Variants in CALML6 observed in about 807,000 individuals in gnomAD.
CALML6 encodes calmodulin-like protein 6.
In CALML6, 27 loss-of-function variants were observed where a neutral mutation model predicts 25.0. The observed-to-expected ratio is 1.08, with a 90% CI of 0.80 to 1.49. The LOEUF (loss-of-function observed/expected upper bound fraction) is 1.49. Ranked by LOEUF, CALML6 falls within the 40% of genes most tolerant of loss-of-function variation. CALML6 has a pLI of 0.00. For synonymous variants in CALML6, 97 were observed against 87.2 expected, an observed-to-expected ratio of 1.11 and a Z score of -0.63; for missense variants, 239 against 232.7, an observed-to-expected ratio of 1.03 and a Z score of -0.18.
chr1:1,916,268 T>C lies in CALML6; in HGVS notation c.79-173T>C, dbSNP rs1029566311. On this transcript the variant is annotated intron_variant, in intron 2 of 5. Coordinates refer to ENST00000307786, the MANE Select transcript of CALML6 (RefSeq NM_138705.4). ...GAGCCCTGCTGGCCCTGCAAACCCC[T>C]GGCGTGTGACCCCTTGTCCTGGAAG... The C allele has an allele frequency of 1.5e-5, 9 of 589,892 alleles. No individual in the cohort carries two copies. The South Asian group carries it at 2.3e-4, about 15-fold the overall frequency. The allele number at this position is 589,892 out of a possible 1,614,324, so 36.5% of individuals were successfully genotyped here.
intron 4 of CALML6, 27 bp downstream of exon 4, chr1:1,916,923 T>TGG: frequency 2.8e-6 from 1 of 361,930 alleles, no homozygotes; most frequent in Non-Finnish European, 4.3e-6. Context: ...GGGCGGGTGG[T>TGG]GGGCGGGCAC....
rs1248190631 is a variant in CALML6, at chr1:1,917,025, G to A, written c.450G>A (p.Gln150=). The stretch of plus-strand genomic sequence containing the variant: ...CCCTCAACGAGGTGGAGGCGGAGCA[G>A]ATGATGAAGGAGGCCGACAAGGATG... ...GEPLNEVEAE[Q]MMKEADKDGD... is the part of the protein sequence containing the mutation. The change falls in exon 5 of 6, where the codon CAG becomes CAA. Residue 150 remains glutamine, a synonymous_variant. Transcript: ENST00000307786. 1.2e-6 allele frequency: 2 copies of A among 1,610,190 alleles called. No individual in the cohort carries two copies. Among genetic ancestry groups the A allele is most frequent in the Non-Finnish European group, 1.7e-6 (2 of 1,177,834 alleles).
intron 1 of CALML6, 33 bp from the exon 2 acceptor site, chr1:1,915,652 G>A: frequency 6.2e-7 from 1 of 1,611,410 alleles, no homozygotes; most frequent in South Asian, 1.1e-5. Flanking sequence ...CTAAAACTCA[G>A]CTGCCACCAC....
chr1:1,916,105 T>C, intron 2 of CALML6: 1 of 415,772 alleles, frequency 2.4e-6, no homozygotes, highest in South Asian at 3.5e-5. Context: ...TGCTCTCGGC[T>C]TCCTTCACCT....
chr1:1,915,753 G>A lies in CALML6; in HGVS notation c.78+18G>A, dbSNP rs754416895. On this transcript the variant is annotated intron_variant, in intron 2 of 5. Transcript: ENST00000307786. ...CCGACATGGTAAGGCTGCTCTCTGT[G>A]CCCGATGGAGTCTCTGGTGGGCTGG... is the stretch of plus-strand genomic sequence containing the variant. The A allele has an allele frequency of 1.2e-6, 2 of 1,612,790 alleles. No individual in the cohort carries two copies. Among genetic ancestry groups the A allele is most frequent in the African/African-American group, 2.7e-5 (2 of 75,042 alleles).
chr1:1,915,606 A>G (rs1651080899), intron 1 of CALML6, 79 bp from the exon 2 acceptor site: 7 of 1,497,414 alleles, frequency 4.7e-6, no homozygotes, highest in Non-Finnish European at 5.5e-6. Flanking sequence ...GGCTCTTGGA[A>G]TCTGGACCCC....
At chr1:1,916,701 C>T in intron 3 of CALML6, 51 bp from the exon 4 acceptor site, 2 of 1,612,564 alleles carry the variant, frequency 1.2e-6, no homozygotes, top group Non-Finnish European at 1.7e-6. Flanking sequence ...AGGCAAAGCC[C>T]ATGGGGAGTG....
rs533293378 is a variant in CALML6, at chr1:1,916,823, G to A, written c.325G>A (p.Glu109Lys). 33 of 1,613,316 alleles carry A rather than the reference G, an allele frequency of 2.0e-5. No individual in the cohort carries two copies. In the South Asian group the frequency reaches 2.2e-4, roughly 11 times the overall value. Reference protein sequence around the residue: ...GVYHEKAQNQESELRAAFRVF... With the variant: ...GVYHEKAQNQKSELRAAFRVF... Reference sequence around the variant, plus strand: ...TTACCATGAGAAGGCCCAGAACCAGGAGAGCGAGCTGAGGGCGGCATTCCG... The same window carrying A: ...TTACCATGAGAAGGCCCAGAACCAGAAGAGCGAGCTGAGGGCGGCATTCCG... The change falls in exon 4 of 6, where the codon GAG becomes AAG. Residue 109 changes from glutamate to lysine, a missense_variant. Glu to Lys is a moderately conservative substitution (Grantham distance 56). Around this residue, in one of 2 missense-constraint regions of CALML6, gnomAD observed 231 missense variants for 210.9 expected, o/e 1.10. Transcript: ENST00000307786.
At chr1:1,916,302 C>G (rs1651106882) in intron 2 of CALML6, 139 bp from the exon 3 acceptor site, 5 of 761,052 alleles carry the variant, frequency 6.6e-6, no homozygotes, top group Non-Finnish European at 1.0e-5. Context: ...AGCCTGCTCT[C>G]CGCTGGGGGC....
intron 1 of CALML6, 30 bp downstream of exon 1, chr1:1,915,337 C>G (rs1296282998): frequency 6.4e-7 from 1 of 1,551,058 alleles, no homozygotes; most frequent in Non-Finnish European, 8.7e-7. Context: ...GACCAGGGTC[C>G]CATGAAGACC....
rs1156879239 is a variant in CALML6 at position 1,915,811 on chromosome 1, A to G, written c.78+76A>G. Reference sequence around the variant, plus strand: ...GGTTGAGCTGGAACCTGGAGGTGCAATGACCTGCCACGGAGCCTGGGCAGG... The same window carrying G: ...GGTTGAGCTGGAACCTGGAGGTGCAGTGACCTGCCACGGAGCCTGGGCAGG... On this transcript the variant is annotated intron_variant, in intron 2 of 5. Coordinates refer to ENST00000307786, the MANE Select transcript of CALML6 (RefSeq NM_138705.4). 4.2e-6 allele frequency: 6 copies of G among 1,435,706 alleles called. No homozygotes were observed. The African/African-American group carries it at 7.0e-5, about 17-fold the overall frequency. The allele number at this position is 1,435,706 out of a possible 1,614,324, so 88.9% of individuals were successfully genotyped here.
At position 1,917,083 on chromosome 1, in the gene CALML6, C is replaced by T. The variant is rs1651157871; in HGVS notation, c.499+9C>T. 33 of 1,609,736 alleles carry T rather than the reference C, an allele frequency of 2.1e-5. No individual in the cohort carries two copies. The highest frequency in any genetic ancestry group is 2.8e-5 in the Non-Finnish European group (33 of 1,178,670). ...GACCATCGACTATGAGGGTGAGTGG[C>T]CTGGAGCCCTGGGAGCCGTTGGCTG... is the stretch of plus-strand genomic sequence containing the variant. On this transcript the variant is annotated intron_variant, in intron 5 of 5. Coordinates refer to ENST00000307786, the MANE Select transcript of CALML6 (RefSeq NM_138705.4).
At position 1,916,546 on chromosome 1, in the gene CALML6, A is replaced by G. The variant is rs1397515817; in HGVS notation, c.184A>G (p.Met62Val). 6.8e-6 allele frequency: 11 copies of G among 1,612,458 alleles called. No homozygotes were observed. The highest frequency in any genetic ancestry group is 3.3e-4 in the Middle Eastern group (2 of 6,078). The stretch of plus-strand genomic sequence containing the variant: ...GAAGACGGGGGAGCTGGAGTGGCTC[A>G]TGAGCCTGCTGGGTATCAACCCCAC... ...EVKTGELEWL[M>V]SLLGINPTKS... The change falls in exon 3 of 6, where the codon ATG becomes GTG. Residue 62 changes from methionine (M) to valine (V), a missense_variant. By Grantham distance (21) the Met-to-Val change is conservative. This residue lies in a region of CALML6 where 231 missense variants were observed against 210.9 expected (regional missense o/e 1.10). Coordinates refer to ENST00000307786, the MANE Select transcript of CALML6 (RefSeq NM_138705.4).
chr1:1,916,635 G>C lies in CALML6; in HGVS notation c.253+20G>C. 2 of 1,602,230 alleles carry C rather than the reference G, an allele frequency of 1.2e-6. No homozygotes were observed. The highest frequency in any genetic ancestry group is 8.5e-7 in the Non-Finnish European group (1 of 1,172,856). The stretch of plus-strand genomic sequence containing the variant: ...GAGACAGTGAGCTCATGGCTGGAGT[G>C]GGGTGGGCAGCCTCGGGGGGGCCCT... On this transcript the variant is annotated intron_variant, in intron 3 of 5. Coordinates refer to ENST00000307786, the MANE Select transcript of CALML6 (RefSeq NM_138705.4).
At position 1,916,067 on chromosome 1, in the gene CALML6, C is replaced by T. The variant is rs542499740; in HGVS notation, c.78+332C>T. The T allele has an allele frequency of 3.8e-5, 17 of 447,676 alleles. No individual in the cohort carries two copies. In the East Asian group the frequency reaches 4.7e-4, roughly 12 times the overall value. The allele number at this position is 447,676 out of a possible 1,614,324, so 27.7% of individuals were successfully genotyped here. On this transcript the variant is annotated intron_variant, in intron 2 of 5. Coordinates refer to ENST00000307786, the MANE Select transcript of CALML6 (RefSeq NM_138705.4). ...CCAATCCTGGGCTGGAAGCCTTTCC[C>T]GGGCCAGGGCTGGGCTCCTCCCCAC...
intron 4 of CALML6, 33 bp from the exon 5 acceptor site, chr1:1,916,941 G>A (rs200453629): frequency 2.5e-6 from 4 of 1,611,366 alleles, no homozygotes; most frequent in Admixed American, 1.7e-5. Context: ...CACGGGCAGG[G>A]CCGATGGAGT....
chr1:1,915,329 C>T (rs1380964736), intron 1 of CALML6, 22 bp downstream of exon 1: 3 of 1,551,612 alleles, frequency 1.9e-6, no homozygotes, highest in Admixed American at 3.9e-5. Flanking sequence ...CAGCATGGGA[C>T]CAGGGTCCCA....
Position 1,916,454 on chromosome 1 carries a change from C to G in CALML6, c.92C>G (p.Ser31Trp), listed in dbSNP as rs1290660769. 6.5e-7 allele frequency: 1 copy of G among 1,538,378 alleles called. No individual in the cohort carries two copies. The stretch of plus-strand genomic sequence containing the variant: ...TGTCCCCTGCAGACAGAGCGCCTGT[C>G]GGCTGAGCAGATCAAGGAGTACAAG... ...QTTTDMTERL[S>W]AEQIKEYKGV... Residue 31 changes from serine (S) to tryptophan (W), a missense_variant, in exon 3 of 6, where the codon TCG becomes TGG. Transcript: ENST00000307786.
In CALML6 at chr1:1,917,069, A is replaced by C; in HGVS notation, c.494A>C (p.Tyr165Ser). 1 of 1,610,786 alleles carries C rather than the reference A, an allele frequency of 6.2e-7. No individual in the cohort carries two copies. The highest frequency in any genetic ancestry group is 8.5e-7 in the Non-Finnish European group (1 of 1,178,832). Residue 165 changes from tyrosine (Y) to serine (S), a missense_variant, in exon 5 of 6, where the codon TAT (tyrosine) becomes TCT (serine). Tyr to Ser is a moderately radical substitution (Grantham distance 144, BLOSUM62 -2). Transcript: ENST00000307786. ...ADKDGDRTIDYEEFVAMMTGE... is the reference protein window; with the variant it reads ...ADKDGDRTIDSEEFVAMMTGE... ...AAGGATGGGGACAGGACCATCGACT[A>C]TGAGGGTGAGTGGCCTGGAGCCCTG...
Sources: gnomAD v4.1 joint callset for allele counts on GRCh38, gnomAD v4.1.1 for gene constraint, gnomAD v4.1.1 regional missense constraint, MANE v1.5 for transcripts, NCBI Gene and HGNC (gene_info 2026-07-23, HGNC 2026-07-21) for gene names.